The following NAV1 variants were observed in gnomAD, a reference collection of about 807,000 sequenced individuals.
NAV1 encodes the protein pore membrane and/or filament interacting like protein 3.
In NAV1, 18 loss-of-function variants were observed where a neutral mutation model predicts 175.2. That is an observed-to-expected ratio of 0.10 (90% CI 0.07 to 0.15). The LOEUF is 0.15. NAV1 is among the 10% of genes least tolerant of loss of function. The pLI, the probability that NAV1 is intolerant of heterozygous loss-of-function variation, is 1.00. For synonymous variants in NAV1, 897 were observed against 978.7 expected (o/e 0.92, Z 1.56); for missense variants, 1,731 against 2,436.6 (o/e 0.71, Z 6.10).
intron 1 of NAV1, among the ~76,000 whole-genome samples, chr1:201,572,197 A>T (rs969349228): frequency 6.6e-6 from 1 of 152,066 alleles, no homozygotes; most frequent in Non-Finnish European, 1.5e-5. Flanking sequence ...CTCCAGGCTG[A>T]GGCATGTGAC....
intron 3 of NAV1, among the ~76,000 whole-genome samples, chr1:201,729,072 C>T (rs12565521): frequency 6.6e-6 from 1 of 152,108 alleles, no homozygotes; most frequent in Non-Finnish European, 1.5e-5. Flanking sequence ...CTTGGCTTTT[C>T]CCCCACCAGC....
chr1:201,607,782 G>C (rs1163756710), intron 2 of NAV1, among the ~76,000 whole-genome samples: 1 of 152,098 alleles, frequency 6.6e-6, no homozygotes, highest in Non-Finnish European at 1.5e-5. Context: ...GTGAGTCACT[G>C]CACCTGGCCT....
intron 3 of NAV1, among the ~76,000 whole-genome samples, chr1:201,758,233 A>G (rs1013445438): frequency 1.5e-4 from 23 of 152,178 alleles, no homozygotes; most frequent in African/African-American, 5.3e-4. Flanking sequence ...AAGTCAGTTA[A>G]ATTATCAGTA....
rs190618703 is a variant in NAV1 at position 201,786,649 on chromosome 1, G to T, written c.2995+72G>T. The T allele has an allele frequency of 3.4e-6, 5 of 1,484,922 alleles. No individual in the cohort carries two copies. In the East Asian group the frequency reaches 9.3e-5, roughly 28 times the overall value. The allele number at this position is 1,484,922 out of a possible 1,614,324, so 92.0% of individuals were successfully genotyped here. A position where few individuals can be genotyped will look rare whatever the true frequency, so the allele number is the denominator to read the frequency against. On this transcript the variant is annotated intron_variant, in intron 9 of 29. Transcript: ENST00000367296. ...CACCCTGCAGGGTGAGGCAAGGCAGGTGGGCTTTGGGTTTCATCTCATGTT... is the reference window on the plus strand; with the variant it reads ...CACCCTGCAGGGTGAGGCAAGGCAGTTGGGCTTTGGGTTTCATCTCATGTT...
intron 14 of NAV1, 121 bp downstream of exon 18, chr1:201,793,996 C>T: frequency 1.2e-6 from 1 of 808,124 alleles, no homozygotes; most frequent in South Asian, 1.5e-5. Flanking sequence ...ACCTCACTGT[C>T]ACCCTGGATT....
chr1:201,768,127 C>G (rs1043627428), intron 3 of NAV1, among the ~76,000 whole-genome samples: 23 of 151,932 alleles, frequency 1.5e-4, no homozygotes, highest in African/African-American at 5.6e-4. Flanking sequence ...GAGTTCGAGA[C>G]CAGCCTGGAC....
chr1:201,787,401 T>G lies in NAV1; in HGVS notation c.2995+824T>G, dbSNP rs1676830555. 6.6e-6 allele frequency among the ~76,000 whole-genome samples: 1 copy of G among 152,160 alleles called. No homozygotes were observed. Among genetic ancestry groups the G allele is most frequent in the Non-Finnish European group, 1.5e-5 (1 of 68,020 alleles). ...ACCTGTAACACACCCATGCAGTGAC[T>G]GTGGGGAATTTGAGGAAAGACTAGG... is the stretch of plus-strand genomic sequence containing the variant. On this transcript the variant is annotated intron_variant, in intron 9 of 29. Transcript: ENST00000367296. The surrounding 1 kb of genome is among the most constrained non-coding windows in gnomAD (Gnocchi z 4.3).
intron 1 of NAV1, among the ~76,000 whole-genome samples, chr1:201,546,909 A>C (rs888198355): frequency 2.0e-5 from 3 of 151,996 alleles, no homozygotes; most frequent in African/African-American, 7.2e-5. Flanking sequence ...GTCTCAAAAA[A>C]AAAAAAAAAA....
rs566539619 is a variant in NAV1, at chr1:201,738,265, G to A, written c.1226+19510G>A. On this transcript the variant is annotated intron_variant, in intron 3 of 29. Coordinates refer to ENST00000367296, the Ensembl canonical transcript of NAV1. Reference sequence around the variant, plus strand: ...CTGAGGGATTGGCGCTAGGATCACTGCAGCTCTTTACTCCCCTTTGATCTC... The same window carrying A: ...CTGAGGGATTGGCGCTAGGATCACTACAGCTCTTTACTCCCCTTTGATCTC... 3.9e-5 allele frequency among the ~76,000 whole-genome samples: 6 copies of A among 152,170 alleles called. No individual in the cohort carries two copies. In the South Asian group the frequency reaches 1.2e-3, roughly 32 times the overall value.
chr1:201,614,422 G>A (rs1256417561), intron 2 of NAV1, among the ~76,000 whole-genome samples: 4 of 152,198 alleles, frequency 2.6e-5, no homozygotes, highest in Non-Finnish European at 2.9e-5. Context: ...GTGGAGAGCG[G>A]GGCCAGGAAC....
intron 1 of NAV1, among the ~76,000 whole-genome samples, chr1:201,671,935 TAA>T (rs959929130): frequency 6.6e-6 from 1 of 152,198 alleles, no homozygotes; most frequent in African/African-American, 2.4e-5. Context: ...GTCAGAGATA[TAA>T]GACTCTCTCT....
intron 7 of NAV1, among the ~76,000 whole-genome samples, chr1:201,784,504 TC>T (rs758876708): frequency 4.6e-5 from 7 of 151,308 alleles, no homozygotes; most frequent in Non-Finnish European, 8.8e-5. Context: ...TCCCCTCCCT[TC>T]CCCCTATATG....
chr1:201,553,109 G>A (rs1466047610), intron 1 of NAV1, among the ~76,000 whole-genome samples: 7 of 152,238 alleles, frequency 4.6e-5, no homozygotes, highest in African/African-American at 9.7e-5. Context: ...AGGAGGAGCC[G>A]CAGATGTGGC....
chr1:201,770,924 A>G (rs1215239825), intron 3 of NAV1, among the ~76,000 whole-genome samples: 2 of 152,192 alleles, frequency 1.3e-5, no homozygotes, highest in East Asian at 3.9e-4. Context: ...GCAGTACAGT[A>G]CAGTACAGTG....
chr1:201,576,798 T>G (rs1281231313), intron 1 of NAV1, among the ~76,000 whole-genome samples: 1 of 152,206 alleles, frequency 6.6e-6, no homozygotes, highest in African/African-American at 2.4e-5. Context: ...ACATTTGGTG[T>G]TGTCATTGCT....
chr1:201,734,326 T>C (rs1379830584), intron 3 of NAV1, among the ~76,000 whole-genome samples: 2 of 151,316 alleles, frequency 1.3e-5, no homozygotes, highest in African/African-American at 4.9e-5. Flanking sequence ...GAGGATCGCT[T>C]GAGTGATTGG....
chr1:201,706,043 G>A (rs757282743), intron 1 of NAV1, among the ~76,000 whole-genome samples: 27 of 152,116 alleles, frequency 1.8e-4, no homozygotes, highest in Non-Finnish European at 2.5e-4. Flanking sequence ...CTCCCTGGCT[G>A]GAGTTTGAAG....
intron 1 of NAV1, among the ~76,000 whole-genome samples, chr1:201,581,430 C>G (rs1284066783): frequency 6.6e-6 from 1 of 152,140 alleles, no homozygotes; most frequent in East Asian, 1.9e-4. Flanking sequence ...TGTGCGGAGT[C>G]TGTGAGCATC....
chr1:201,703,284 G>A (rs992017816), intron 1 of NAV1, among the ~76,000 whole-genome samples: 4 of 152,224 alleles, frequency 2.6e-5, no homozygotes, highest in African/African-American at 4.8e-5. Flanking sequence ...AGAGGGCCAC[G>A]TCTCCAGGCT....
Sources: gnomAD v4.1 joint callset for allele counts (sites outside exome capture counted in the v4.1 genomes callset) on GRCh38, gnomAD v4.1.1 for gene constraint, Gnocchi (gnomAD v3.1) non-coding constraint, MANE v1.5 for transcripts, NCBI Gene and HGNC (gene_info 2026-07-23, HGNC 2026-07-21) for gene names.